COL22A1: variants seen among roughly 807,000 people sequenced by gnomAD.
COL22A1 encodes collagen type XXII alpha 1 chain, also known as collagen alpha-1(XXII) chain.
COL22A1 carries 221 observed loss-of-function variants against 248.9 expected under a neutral mutation model. That is an observed-to-expected ratio of 0.89 (90% CI 0.80 to 0.99). COL22A1 has a LOEUF of 0.99. Among genes scored for constraint, COL22A1 ranks in the 50% least tolerant of loss-of-function variants. The pLI, the probability that COL22A1 is intolerant of heterozygous loss-of-function variation, is 0.00. For missense variants in COL22A1, 2,240 were observed against 2,179.0 expected, an observed-to-expected ratio of 1.03 and a Z score of -0.56; for synonymous variants, 891 against 793.4, an observed-to-expected ratio of 1.12 and a Z score of -2.07.
chr8:138,825,303 A>G (rs765188666), intron 6 of COL22A1, among the ~76,000 whole-genome samples: 13 of 152,310 alleles, frequency 8.5e-5, no homozygotes, highest in Middle Eastern at 3.4e-3. Context: ...CAGGGATGTT[A>G]TGGAAAAATC....
intron 38 of COL22A1, 84 bp downstream of exon 38, chr8:138,685,123 GT>G: frequency 1.0e-6 from 1 of 969,332 alleles, no homozygotes; most frequent in Non-Finnish European, 1.6e-6. Flanking sequence ...TTTCTGCAAA[GT>G]TTGGCAGTTA....
chr8:138,692,439 G>T (rs62527930), intron 35 of COL22A1, among the ~76,000 whole-genome samples: 148,606 of 148,766 alleles, frequency 1, 74,223 homozygotes, highest in Middle Eastern at 1. Context: ...GTGTGCATGT[G>T]TGTGGAGGTG....
At chr8:138,807,483 T>C (rs1002762470) in intron 10 of COL22A1, among the ~76,000 whole-genome samples, 2 of 152,202 alleles carry the variant, frequency 1.3e-5, no homozygotes, top group African/African-American at 4.8e-5. Flanking sequence ...TAATTGACCA[T>C]GGAGAGTTGA....
intron 32 of COL22A1, among the ~76,000 whole-genome samples, chr8:138,696,089 G>T (rs533375628): frequency 6.6e-5 from 10 of 152,294 alleles, no homozygotes; most frequent in Non-Finnish European, 1.5e-4. Context: ...TAGGGTGAAG[G>T]TCAATGGTAC....
intron 22 of COL22A1, among the ~76,000 whole-genome samples, chr8:138,739,539 T>A (rs1341646477): frequency 6.6e-6 from 1 of 152,184 alleles, no homozygotes; most frequent in Non-Finnish European, 1.5e-5. Context: ...CGTTTGTGCT[T>A]ATTTATTGCA....
At chr8:138,759,569 C>T (rs925620536) in intron 18 of COL22A1, among the ~76,000 whole-genome samples, 3 of 152,220 alleles carry the variant, frequency 2.0e-5, no homozygotes, top group African/African-American at 7.2e-5. Context: ...CACACCTTCT[C>T]TTTTTCCTTC....
At position 138,821,326 on chromosome 8, in the gene COL22A1, C is replaced by A; in HGVS notation, c.1055G>T (p.Arg352Leu). 1 of 1,614,184 alleles carries A rather than the reference C, an allele frequency of 6.2e-7. No individual in the cohort carries two copies. The highest frequency in any genetic ancestry group is 8.5e-7 in the Non-Finnish European group (1 of 1,180,032). The change falls in exon 7 of 65, where the codon CGA (arginine) becomes CTA (leucine). Residue 352 changes from arginine (R) to leucine (L), a missense_variant. Transcript: ENST00000303045. Reference protein sequence around the residue: ...AMKDAVRVVFRGSRVNDLFDR... With the variant: ...AMKDAVRVVFLGSRVNDLFDR... ...AAAGAGGTCATTGACCCGAGAACCT[C>A]GGAAGACCACCCTGACAGCATCTTT...
intron 1 of COL22A1, among the ~76,000 whole-genome samples, chr8:138,909,100 A>G (rs753805420): frequency 6.6e-6 from 1 of 152,226 alleles, no homozygotes; most frequent in Non-Finnish European, 1.5e-5. Context: ...TGGCAAAACT[A>G]TATGTGATCA....
intron 16 of COL22A1, among the ~76,000 whole-genome samples, chr8:138,773,901 C>T (rs1251457518): frequency 1.3e-5 from 2 of 152,216 alleles, no homozygotes; most frequent in African/African-American, 2.4e-5. Context: ...ACAGCCCAGC[C>T]CTGCTGCGGG....
At chr8:138,868,991 A>C (rs999576730) in intron 3 of COL22A1, among the ~76,000 whole-genome samples, 1 of 152,120 alleles carries the variant, frequency 6.6e-6, no homozygotes, top group African/African-American at 2.4e-5. Flanking sequence ...CTCAGCCTCC[A>C]AAAGTGCTGG....
At chr8:138,608,851 C>T (rs770950356) in intron 56 of COL22A1, among the ~76,000 whole-genome samples, 4 of 152,310 alleles carry the variant, frequency 2.6e-5, no homozygotes, top group East Asian at 1.9e-4. Context: ...TTTCCCACCA[C>T]GAGTAACCCA....
intron 3 of COL22A1, among the ~76,000 whole-genome samples, chr8:138,875,390 C>T (rs556169093): frequency 6.6e-6 from 1 of 152,072 alleles, no homozygotes; most frequent in Non-Finnish European, 1.5e-5. Flanking sequence ...GAAGCTCCTG[C>T]TGAGATCCAG....
At chr8:138,623,362 G>A (rs1322129632) in intron 52 of COL22A1, among the ~76,000 whole-genome samples, 1 of 150,982 alleles carries the variant, frequency 6.6e-6, no homozygotes, top group African/African-American at 2.4e-5. Context: ...GATCTCTCCA[G>A]ATATCAGATT....
At chr8:138,638,986 C>A (rs1029099840) in intron 47 of COL22A1, among the ~76,000 whole-genome samples, 5 of 152,180 alleles carry the variant, frequency 3.3e-5, no homozygotes, top group African/African-American at 1.2e-4. Context: ...AAGCCTGATT[C>A]ACTTCCTTCC....
Position 138,670,139 on chromosome 8 carries a change from G to A in COL22A1, c.3151-6399C>T, listed in dbSNP as rs375516432. On this transcript the variant is annotated intron_variant, in intron 41 of 64. Coordinates refer to ENST00000303045, the MANE Select transcript of COL22A1 (RefSeq NM_152888.3). Reference sequence around the variant, plus strand: ...TGACCTCAGGCAATTCACCTGCCTTGGCCTCCCAAAGTGCTAGGATTACAG... The same window carrying A: ...TGACCTCAGGCAATTCACCTGCCTTAGCCTCCCAAAGTGCTAGGATTACAG... Among the ~76,000 whole-genome samples, 18 of 152,202 alleles carry A rather than the reference G, an allele frequency of 1.2e-4. No individual in the cohort carries two copies. In the East Asian group the frequency reaches 1.7e-3, roughly 15 times the overall value.
chr8:138,884,161 A>G, intron 1 of COL22A1, among the ~76,000 whole-genome samples: 1 of 152,208 alleles, frequency 6.6e-6, no homozygotes, highest in Non-Finnish European at 1.5e-5. Flanking sequence ...CCCCTTCTGG[A>G]AAATTTTTCC....
chr8:138,715,670 A>C lies in COL22A1; in HGVS notation c.2517+12T>G, dbSNP rs1360741737. The C allele has an allele frequency of 1.2e-6, 2 of 1,605,760 alleles. No individual in the cohort carries two copies. The highest frequency in any genetic ancestry group is 2.7e-5 in the African/African-American group (2 of 74,470). On this transcript the variant is annotated intron_variant, in intron 30 of 64. Coordinates refer to ENST00000303045, the MANE Select transcript of COL22A1 (RefSeq NM_152888.3). ...ATAATTGATGGTCAGAATGAGAGCA[A>C]GTTTCTCCTACCTTTTCACCTCGGT...
chr8:138,907,242 C>T (rs761266416), intron 1 of COL22A1, among the ~76,000 whole-genome samples: 3 of 152,198 alleles, frequency 2.0e-5, no homozygotes, highest in Non-Finnish European at 4.4e-5. Flanking sequence ...GGCTTCAGGA[C>T]CAAAACTGAA....
At chr8:138,692,903 A>G (rs1424104690) in intron 35 of COL22A1, among the ~76,000 whole-genome samples, 1 of 152,050 alleles carries the variant, frequency 6.6e-6, no homozygotes, top group African/African-American at 2.4e-5. Context: ...GACCATACGC[A>G]TGGTGGCCTG....
Sources: allele counts gnomAD v4.1 joint callset (sites outside exome capture counted in the v4.1 genomes callset), GRCh38; gene constraint gnomAD v4.1.1; transcripts MANE v1.5; gene names NCBI Gene and HGNC (gene_info 2026-07-23, HGNC 2026-07-21).